The following PRR30 variants were observed in gnomAD, a reference collection of about 807,000 sequenced individuals.
PRR30 encodes the protein proline-rich protein 30.
For missense variants in PRR30, 546 were observed against 525.3 expected, an observed-to-expected ratio of 1.04 and a Z score of -0.39; for synonymous variants, 229 against 222.7, an observed-to-expected ratio of 1.03 and a Z score of -0.25.
At position 27,136,885 on chromosome 2, in the gene PRR30, T is replaced by C. The variant is rs1340740756; in HGVS notation, c.*206A>G. 5.9e-6 allele frequency: 4 copies of C among 677,232 alleles called. No homozygotes were observed. The African/African-American group carries it at 7.2e-5, about 12-fold the overall frequency. 42.0% of individuals were successfully genotyped at this position (677,232 alleles called of 1,614,324 possible). A position where few individuals can be genotyped will look rare whatever the true frequency, so the allele number is the denominator to read the frequency against. Reference sequence around the variant, plus strand: ...AGACTTTATTAGATACACGGAGGGCTGAATGGGGCCTTGGTGCCCTTGGTC... The same window carrying C: ...AGACTTTATTAGATACACGGAGGGCCGAATGGGGCCTTGGTGCCCTTGGTC... On this transcript the variant is annotated 3_prime_UTR_variant, in exon 3 of 3. Coordinates refer to ENST00000335524, the MANE Select transcript of PRR30 (RefSeq NM_178553.4).
chr2:27,137,271 T>C lies in PRR30; in HGVS notation c.1059A>G (p.Thr353=), dbSNP rs573565659. The part of the protein sequence containing the change: ...AQARADPVPG[T]PSQTRSFRSA... Reference sequence around the variant, plus strand: ...ACCTGAAGCTCCTGGTCTGGGAGGGTGTGCCTGGGACTGGGTCGGCCCGGG... The same window carrying C: ...ACCTGAAGCTCCTGGTCTGGGAGGGCGTGCCTGGGACTGGGTCGGCCCGGG... Residue 353 remains threonine (T), a synonymous_variant, in exon 3 of 3, where the codon ACA becomes ACG. Coordinates refer to ENST00000335524, the MANE Select transcript of PRR30 (RefSeq NM_178553.4). The surrounding 1 kb of genome is among the most constrained non-coding windows in gnomAD (Gnocchi z 4.3). The C allele has an allele frequency of 1.2e-6, 2 of 1,613,940 alleles. No individual in the cohort carries two copies. The highest frequency in any genetic ancestry group is 1.3e-5 in the African/African-American group (1 of 74,958).
At position 27,138,494 on chromosome 2, in the gene PRR30, C is replaced by A; in HGVS notation, c.-165G>T. The A allele has an allele frequency of 7.3e-7, 1 of 1,370,538 alleles. No homozygotes were observed. The highest frequency in any genetic ancestry group is 9.7e-7 in the Non-Finnish European group (1 of 1,034,710). The allele number at this position is 1,370,538 out of a possible 1,614,324, so 84.9% of individuals were successfully genotyped here. On this transcript the variant is annotated 5_prime_UTR_variant, in exon 3 of 3. Coordinates refer to ENST00000335524, the MANE Select transcript of PRR30 (RefSeq NM_178553.4). ...GTGGGTGCAGGTGCTGGTGGCAGGC[C>A]AAGGGGATACCCAGCCCTCCAGCAC...
In PRR30 at chr2:27,137,800, C is replaced by A; in HGVS notation, c.530G>T (p.Arg177Leu). The change falls in exon 3 of 3, where the codon CGC (arginine) becomes CTC (leucine). Residue 177 changes from arginine to leucine, a missense_variant. Physicochemically the swap from Arg to Leu is moderately radical, Grantham distance 102. Coordinates refer to ENST00000335524, the MANE Select transcript of PRR30 (RefSeq NM_178553.4). This position sits in a 1 kb window ranked among gnomAD's most constrained non-coding sequence, Gnocchi z 4.3. ...HRLHSNRQTW[R>L]WHQYRDTGSG... ...CCCAGTGTCCCTGTACTGATGCCAGCGCCATGTCTGCCTGTTAGAGTGGAG... is the reference window on the plus strand; with the variant it reads ...CCCAGTGTCCCTGTACTGATGCCAGAGCCATGTCTGCCTGTTAGAGTGGAG... The A allele has an allele frequency of 6.2e-7, 1 of 1,605,340 alleles. No individual in the cohort carries two copies. Among genetic ancestry groups the A allele is most frequent in the Non-Finnish European group, 8.5e-7 (1 of 1,173,768 alleles).
In PRR30 at chr2:27,137,290, G is replaced by C. The variant is rs781732573; in HGVS notation, c.1040C>G (p.Ala347Gly). The change falls in exon 3 of 3, where the codon GCC (alanine) becomes GGC (glycine). Residue 347 changes from alanine (A) to glycine (G), a missense_variant. Transcript: ENST00000335524. The surrounding 1 kb of genome is among the most constrained non-coding windows in gnomAD (Gnocchi z 4.3). ...GGAGGGTGTGCCTGGGACTGGGTCG[G>C]CCCGGGCCTGAGCTGCTGGAGGCTG... The part of the protein sequence containing the change: ...ASQPPAAQAR[A>G]DPVPGTPSQT... 2 of 1,614,234 alleles carry C rather than the reference G, an allele frequency of 1.2e-6. No homozygotes were observed. The highest frequency in any genetic ancestry group is 3.3e-5 in the Admixed American group (2 of 60,030).
Position 27,138,530 on chromosome 2 carries a change from G to C in PRR30, c.-201C>G. Reference sequence around the variant, plus strand: ...CCAGCCCTCCAGCACCAGGCTCTCAGGGTGTTCAGGCATGAGCATGAATCT... The same window carrying C: ...CCAGCCCTCCAGCACCAGGCTCTCACGGTGTTCAGGCATGAGCATGAATCT... On this transcript the variant is annotated 5_prime_UTR_variant, in exon 3 of 3. Transcript: ENST00000335524. 9.8e-7 allele frequency: 1 copy of C among 1,020,300 alleles called. No homozygotes were observed. Among genetic ancestry groups the C allele is most frequent in the Non-Finnish European group, 1.4e-6 (1 of 723,778 alleles). 63.2% of individuals were successfully genotyped at this position (1,020,300 alleles called of 1,614,324 possible).
Position 27,138,235 on chromosome 2 carries a change from GGA to G in PRR30, c.93_94del (p.Pro32SerfsTer45), listed in dbSNP as rs1234863346. On this transcript the variant is annotated frameshift_variant, in exon 3 of 3. Coordinates refer to ENST00000335524, the MANE Select transcript of PRR30 (RefSeq NM_178553.4). LOFTEE classifies it low-confidence loss of function (END_TRUNC). The stretch of plus-strand genomic sequence containing the variant: ...GGGAGAGAGAGGCTGTAGGTTGTGA[GGA>G]GAGGAGTCCACAAGTTGTGAGAAGC... The G allele has an allele frequency of 1.9e-6, 3 of 1,614,066 alleles. No individual in the cohort carries two copies. In the African/African-American group the frequency reaches 4.0e-5, roughly 22 times the overall value.
In PRR30 at chr2:27,137,270, G is replaced by A. The variant is rs1207153330; in HGVS notation, c.1060C>T (p.Pro354Ser). The A allele has an allele frequency of 6.2e-7, 1 of 1,614,124 alleles. No homozygotes were observed. Among genetic ancestry groups the A allele is most frequent in the Admixed American group, 1.7e-5 (1 of 60,012 alleles). ...GACCTGAAGCTCCTGGTCTGGGAGG[G>A]TGTGCCTGGGACTGGGTCGGCCCGG... ...QARADPVPGT[P>S]SQTRSFRSAG... The change falls in exon 3 of 3, where the codon CCC becomes TCC. Residue 354 changes from proline to serine, a missense_variant. Coordinates refer to ENST00000335524, the MANE Select transcript of PRR30 (RefSeq NM_178553.4). This position sits in a 1 kb window ranked among gnomAD's most constrained non-coding sequence, Gnocchi z 4.3.
Position 27,137,963 on chromosome 2 carries a change from G to A in PRR30, c.367C>T (p.Pro123Ser). Residue 123 changes from proline to serine, a missense_variant, in exon 3 of 3, where the codon CCT (proline) becomes TCT (serine). Coordinates refer to ENST00000335524, the MANE Select transcript of PRR30 (RefSeq NM_178553.4). This position sits in a 1 kb window ranked among gnomAD's most constrained non-coding sequence, Gnocchi z 4.3. ...PSNHWLYPSP[P>S]LTPSFSPSQP... ...GAGGGAGAAAAGGAAGGGGTCAGAG[G>A]GGGAGAGGGGTACAGCCAGTGGTTG... is the stretch of plus-strand genomic sequence containing the variant. 3 of 1,610,942 alleles carry A rather than the reference G, an allele frequency of 1.9e-6. No individual in the cohort carries two copies. Among genetic ancestry groups the A allele is most frequent in the East Asian group, 2.2e-5 (1 of 44,850 alleles).
Position 27,137,978 on chromosome 2 carries a change from G to A in PRR30, c.352C>T (p.Leu118=). 6.2e-7 allele frequency: 1 copy of A among 1,611,476 alleles called. No individual in the cohort carries two copies. The highest frequency in any genetic ancestry group is 8.5e-7 in the Non-Finnish European group (1 of 1,178,904). ...GGGGTCAGAGGGGGAGAGGGGTACA[G>A]CCAGTGGTTGGAGGGAGAGGATGCA... ...PRASSPSNHW[L]YPSPPLTPSF... Residue 118 remains leucine (L), a synonymous_variant, in exon 3 of 3, where the codon CTG becomes TTG. Coordinates refer to ENST00000335524, the MANE Select transcript of PRR30 (RefSeq NM_178553.4). This position sits in a 1 kb window ranked among gnomAD's most constrained non-coding sequence, Gnocchi z 4.3.
chr2:27,137,074 C>T lies in PRR30; in HGVS notation c.*17G>A, dbSNP rs1254304577. 1.9e-6 allele frequency: 3 copies of T among 1,606,796 alleles called. No individual in the cohort carries two copies. The stretch of plus-strand genomic sequence containing the variant: ...GGTTTGGAGGGGGTGTTCCAGGGGG[C>T]CTCCGTGGCTCTGGAACTAGACTGA... On this transcript the variant is annotated 3_prime_UTR_variant, in exon 3 of 3. Coordinates refer to ENST00000335524, the MANE Select transcript of PRR30 (RefSeq NM_178553.4). The surrounding 1 kb of genome is among the most constrained non-coding windows in gnomAD (Gnocchi z 4.3).
At position 27,138,344 on chromosome 2, in the gene PRR30, A is replaced by G; in HGVS notation, c.-15T>C. 1 of 1,580,842 alleles carries G rather than the reference A, an allele frequency of 6.3e-7. No homozygotes were observed. Among genetic ancestry groups the G allele is most frequent in the Non-Finnish European group, 8.6e-7 (1 of 1,163,266 alleles). ...TGAGGCAACATCGCCTTGAATCCAG[A>G]AGGAACTGGGGCAACAAGACTAGGG... is the stretch of plus-strand genomic sequence containing the variant. On this transcript the variant is annotated 5_prime_UTR_variant, in exon 3 of 3. Transcript: ENST00000335524.
rs1182664925 is a variant in PRR30 at position 27,137,515 on chromosome 2, G to A, written c.815C>T (p.Pro272Leu). 4 of 1,594,232 alleles carry A rather than the reference G, an allele frequency of 2.5e-6. No individual in the cohort carries two copies. The highest frequency in any genetic ancestry group is 1.7e-5 in the Admixed American group (1 of 58,468). The change falls in exon 3 of 3, where the codon CCC becomes CTC. Residue 272 changes from proline to leucine, a missense_variant. Transcript: ENST00000335524. This position sits in a 1 kb window ranked among gnomAD's most constrained non-coding sequence, Gnocchi z 4.3. ...TAGTTGAGGGAAAGCAAGCAGCCGG[G>A]GTCCAGTCCTGTACCTGGGGAGGGG... The part of the protein sequence containing the change: ...SCPLPRYRTG[P>L]RLLAFPQLLP...
chr2:27,138,133 G>C lies in PRR30; in HGVS notation c.197C>G (p.Ser66Cys). ...GCCGAATTGGAAGCCAGGAGAGGGGGATGCTGGTGGAGGGGAGGAGGGACG... is the reference window on the plus strand; with the variant it reads ...GCCGAATTGGAAGCCAGGAGAGGGGCATGCTGGTGGAGGGGAGGAGGGACG... ...SRRPSSPPPA[S>C]PSPGFQFGSC... The change falls in exon 3 of 3, where the codon TCC (serine) becomes TGC (cysteine). Residue 66 changes from serine to cysteine, a missense_variant. Ser to Cys is a moderately radical substitution (Grantham distance 112). Transcript: ENST00000335524. The C allele has an allele frequency of 1.1e-5, 18 of 1,614,068 alleles. No homozygotes were observed. Among genetic ancestry groups the C allele is most frequent in the Non-Finnish European group, 1.5e-5 (18 of 1,180,010 alleles).
Position 27,137,458 on chromosome 2 carries a change from G to A in PRR30, c.872C>T (p.Pro291Leu). 4.3e-6 allele frequency: 7 copies of A among 1,611,870 alleles called. No homozygotes were observed. Among genetic ancestry groups the A allele is most frequent in the Non-Finnish European group, 5.9e-6 (7 of 1,179,334 alleles). ...GCCGAAGCCGATGCCTATCCGGAGT[G>A]GCCCAGATTCCTGGCCCTGCACACA... ...LPCVQGQESG[P>L]LRIGIGFGLR... is the part of the protein sequence containing the mutation. The change falls in exon 3 of 3, where the codon CCA becomes CTA. Residue 291 changes from proline to leucine, a missense_variant. Pro to Leu is a moderately conservative substitution (Grantham distance 98). Transcript: ENST00000335524. This position sits in a 1 kb window ranked among gnomAD's most constrained non-coding sequence, Gnocchi z 4.3.
In PRR30 at chr2:27,138,663, TG is replaced by T. The variant is rs1427819669; in HGVS notation, c.-335del. 3.2e-6 allele frequency: 1 copy of T among 311,028 alleles called. No homozygotes were observed. The highest frequency in any genetic ancestry group is 4.6e-5 in the Admixed American group (1 of 21,696). 19.3% of individuals were successfully genotyped at this position (311,028 alleles called of 1,614,324 possible). On this transcript the variant is annotated 5_prime_UTR_variant, in exon 3 of 3. It removes the in-frame stop codon of an upstream open reading frame in the 5' UTR. Coordinates refer to ENST00000335524, the MANE Select transcript of PRR30 (RefSeq NM_178553.4). ...GGAGGGGCAGCAGCGATTATCTGGG[TG>T]GGGCAGAGAGGAAGACAAAGCCCAT...
chr2:27,138,874 G>T, intron 2 of PRR30, 96 bp downstream of exon 2: 1 of 162,836 alleles, frequency 6.1e-6, no homozygotes, highest in Non-Finnish European at 1.4e-5. Flanking sequence ...GAATAAGGAG[G>T]AAGGGAGGGT....
chr2:27,138,274 C>T lies in PRR30; in HGVS notation c.56G>A (p.Arg19His), dbSNP rs1278046227. 6 of 1,612,836 alleles carry T rather than the reference C, an allele frequency of 3.7e-6. No homozygotes were observed. Among genetic ancestry groups the T allele is most frequent in the Non-Finnish European group, 5.1e-6 (6 of 1,179,734 alleles). The change falls in exon 3 of 3, where the codon CGC becomes CAC. Residue 19 changes from arginine to histidine, a missense_variant. Physicochemically the swap from Arg to His is conservative, Grantham distance 29. Transcript: ENST00000335524. ...VLPQTSVLPG[R>H]PTWGFSQLVD... Reference sequence around the variant, plus strand: ...AAGTTGTGAGAAGCCCCAAGTGGGGCGCCCAGGGAGCACTGAGGTCTGTGG... The same window carrying T: ...AAGTTGTGAGAAGCCCCAAGTGGGGTGCCCAGGGAGCACTGAGGTCTGTGG...
In PRR30 at chr2:27,138,207, A is replaced by C; in HGVS notation, c.123T>G (p.His41Gln). The C allele has an allele frequency of 6.2e-7, 1 of 1,613,834 alleles. No homozygotes were observed. The highest frequency in any genetic ancestry group is 8.5e-7 in the Non-Finnish European group (1 of 1,179,858). Residue 41 changes from histidine (H) to glutamine (Q), a missense_variant, in exon 3 of 3, where the codon CAT becomes CAG. His to Gln is a conservative substitution (Grantham distance 24). Coordinates refer to ENST00000335524, the MANE Select transcript of PRR30 (RefSeq NM_178553.4). ...SPHNLQPLSP[H>Q]QGLPPSQPPF... ...GTGGTTGAGAGGGAGGGAGGCCCTG[A>C]TGGGGAGAGAGAGGCTGTAGGTTGT...
rs778180516 is a variant in PRR30 at position 27,138,658 on chromosome 2, C to G, written c.-329G>C. 3.1e-6 allele frequency: 1 copy of G among 318,616 alleles called. No homozygotes were observed. Among genetic ancestry groups the G allele is most frequent in the Non-Finnish European group, 6.1e-6 (1 of 164,806 alleles). The allele number at this position is 318,616 out of a possible 1,614,324, so 19.7% of individuals were successfully genotyped here. On this transcript the variant is annotated 5_prime_UTR_variant, in exon 3 of 3. Coordinates refer to ENST00000335524, the MANE Select transcript of PRR30 (RefSeq NM_178553.4). ...GGAGTGGAGGGGCAGCAGCGATTATCTGGGTGGGGCAGAGAGGAAGACAAA... is the reference window on the plus strand; with the variant it reads ...GGAGTGGAGGGGCAGCAGCGATTATGTGGGTGGGGCAGAGAGGAAGACAAA...
Sources: allele counts gnomAD v4.1 joint callset, GRCh38; gene constraint gnomAD v4.1.1; non-coding constraint Gnocchi (gnomAD v3.1); transcripts MANE v1.5; gene names NCBI Gene and HGNC (gene_info 2026-07-23, HGNC 2026-07-21).